Variants in RBM19 observed in about 807,000 individuals in gnomAD.
The protein encoded by RBM19 is RNA binding motif protein 19, also known as probable RNA-binding protein 19.
Under a neutral mutation model 116.8 loss-of-function variants are expected in RBM19, and 94 were observed. That is an observed-to-expected ratio of 0.80 (90% CI 0.68 to 0.95). RBM19 has a LOEUF of 0.95. Ranked by LOEUF, RBM19 falls within the 40% of genes least tolerant of loss-of-function variation. The pLI is 0.00. For synonymous variants in RBM19, 475 were observed against 494.1 expected, an observed-to-expected ratio of 0.96 and a Z score of 0.51; for missense variants, 1,161 against 1,220.7, an observed-to-expected ratio of 0.95 and a Z score of 0.73.
intron 23 of RBM19, among the ~76,000 whole-genome samples, chr12:113,843,872 T>C (rs2135716269): frequency 6.6e-6 from 1 of 152,360 alleles, no homozygotes; most frequent in Non-Finnish European, 1.5e-5. Flanking sequence ...CCAGCCATGC[T>C]GTCCTCCCTG....
chr12:113,918,171 T>C (rs2135859347), intron 20 of RBM19, among the ~76,000 whole-genome samples: 1 of 152,060 alleles, frequency 6.6e-6, no homozygotes, highest in Middle Eastern at 3.4e-3. Context: ...GCATTAAACA[T>C]TCACCCAAAG....
chr12:113,823,945 A>G (rs1210120844), intron 23 of RBM19, among the ~76,000 whole-genome samples: 2 of 152,260 alleles, frequency 1.3e-5, no homozygotes, highest in African/African-American at 2.4e-5. Flanking sequence ...GCAAAGCTCA[A>G]GGATTCCAGA....
At chr12:113,915,334 G>C (rs1029117934) in intron 20 of RBM19, among the ~76,000 whole-genome samples, 1 of 152,042 alleles carries the variant, frequency 6.6e-6, no homozygotes, top group African/African-American at 2.4e-5. Context: ...GAGACTCCGG[G>C]GCCACCAGGG....
chr12:113,884,396 A>G (rs140965123), intron 21 of RBM19, among the ~76,000 whole-genome samples: 1 of 151,286 alleles, frequency 6.6e-6, no homozygotes. Flanking sequence ...CCCCACCTCT[A>G]TTCCTGCAGG....
At chr12:113,864,812 C>T (rs1299006412) in intron 21 of RBM19, among the ~76,000 whole-genome samples, 1 of 152,214 alleles carries the variant, frequency 6.6e-6, no homozygotes, top group Non-Finnish European at 1.5e-5. Context: ...AACTCTCTAA[C>T]AGAGGCTAAT....
intron 23 of RBM19, among the ~76,000 whole-genome samples, chr12:113,823,939 A>G (rs745841387): frequency 3.3e-5 from 5 of 152,216 alleles, no homozygotes; most frequent in Admixed American, 1.3e-4. Flanking sequence ...ACAGATGCAA[A>G]GCTCAAGGAT....
chr12:113,879,023 C>T lies in RBM19; in HGVS notation c.2559-20127G>A, dbSNP rs377485574. Among the ~76,000 whole-genome samples the T allele has an allele frequency of 3.3e-5, 5 of 152,170 alleles. No individual in the cohort carries two copies. The East Asian group carries it at 5.8e-4, about 18-fold the overall frequency. Reference sequence around the variant, plus strand: ...ACTAGACCGTGTGTCCCATCCCCGCCGTCTTGCAGTGTGGCTGCAGCTGTG... The same window carrying T: ...ACTAGACCGTGTGTCCCATCCCCGCTGTCTTGCAGTGTGGCTGCAGCTGTG... On this transcript the variant is annotated intron_variant, in intron 21 of 23. Transcript: ENST00000261741.
At chr12:113,918,270 A>C in intron 20 of RBM19, 122 bp downstream of exon 20, 1 of 972,972 alleles carries the variant, frequency 1.0e-6, no homozygotes, top group Non-Finnish European at 1.6e-6. Flanking sequence ...GAAGAGTCCT[A>C]AATGGTAAAG....
intron 23 of RBM19, among the ~76,000 whole-genome samples, chr12:113,828,606 T>G (rs1389812436): frequency 6.6e-6 from 1 of 152,144 alleles, no homozygotes; most frequent in African/African-American, 2.4e-5. Flanking sequence ...CTCAGTGGTG[T>G]GCAGTCCTAG....
In RBM19 at chr12:113,883,846, TA is replaced by T. The variant is rs758738209; in HGVS notation, c.2559-24951del. ...CTGAGAAGACAGCTATAAACATGAA[TA>T]GGGGGAAGTAGAGAATGAACCCTGT... On this transcript the variant is annotated intron_variant, in intron 21 of 23. Transcript: ENST00000261741. Among the ~76,000 whole-genome samples, 8 of 152,234 alleles carry T rather than the reference TA, an allele frequency of 5.3e-5. No homozygotes were observed. The East Asian group carries it at 7.7e-4, about 15-fold the overall frequency.
chr12:113,944,071 C>T (rs548962827), intron 13 of RBM19, among the ~76,000 whole-genome samples: 182 of 146,238 alleles, frequency 1.2e-3, no homozygotes, highest in African/African-American at 4.4e-3. Flanking sequence ...AAGAACTCAG[C>T]TGCCTCTAAC....
At chr12:113,939,583 A>C (rs529840764) in intron 15 of RBM19, among the ~76,000 whole-genome samples, 32 of 151,390 alleles carry the variant, frequency 2.1e-4, no homozygotes, top group Non-Finnish European at 4.0e-4. Flanking sequence ...CCCCGTCTCT[A>C]CCAAAAATAT....
In RBM19 at chr12:113,940,042, G is replaced by C. The variant is rs1161994220; in HGVS notation, c.1856C>G (p.Pro619Arg). ...HFGSLGRVLL[P>R]EGGITAIVEF... ...CACGATGGCAGTGATTCCGCCCTCTGGCAGCAGCACGCGGCCCAGGCTGCC... is the reference window on the plus strand; with the variant it reads ...CACGATGGCAGTGATTCCGCCCTCTCGCAGCAGCACGCGGCCCAGGCTGCC... Residue 619 changes from proline (P) to arginine (R), a missense_variant, in exon 15 of 24, where the codon CCA (proline) becomes CGA (arginine). Pro to Arg is a moderately radical substitution (Grantham distance 103, BLOSUM62 -2). Transcript: ENST00000261741. 1.2e-6 allele frequency: 2 copies of C among 1,613,994 alleles called. No individual in the cohort carries two copies. The highest frequency in any genetic ancestry group is 2.7e-5 in the African/African-American group (2 of 74,934).
rs1223633080 is a variant in RBM19 at position 113,927,369 on chromosome 12, G to A, written c.2069-140C>T. 5.0e-6 allele frequency: 5 copies of A among 1,006,014 alleles called. No individual in the cohort carries two copies. The African/African-American group carries it at 8.2e-5, about 16-fold the overall frequency. The allele number at this position is 1,006,014 out of a possible 1,614,324, so 62.3% of individuals were successfully genotyped here. On this transcript the variant is annotated intron_variant, in intron 16 of 23. Transcript: ENST00000261741. ...GCCTCTGCGGGCAGTGGCAGGAAGG[G>A]GCACCGTGATCCCCAACTTGTGCTG... is the stretch of plus-strand genomic sequence containing the variant.
chr12:113,867,126 G>C (rs1211190969), intron 21 of RBM19, among the ~76,000 whole-genome samples: 1 of 152,228 alleles, frequency 6.6e-6, no homozygotes, highest in East Asian at 1.9e-4. Context: ...AGCCCTCTCA[G>C]TTGTGTTCAC....
intron 22 of RBM19, among the ~76,000 whole-genome samples, chr12:113,849,183 A>G (rs1363107951): frequency 6.6e-6 from 1 of 152,216 alleles, no homozygotes; most frequent in Non-Finnish European, 1.5e-5. Context: ...CCGTTTCCAG[A>G]ACCTGCTCCC....
chr12:113,844,265 G>T (rs1311626858), intron 23 of RBM19, among the ~76,000 whole-genome samples: 1 of 152,144 alleles, frequency 6.6e-6, no homozygotes, highest in African/African-American at 2.4e-5. Context: ...CAGGAAGGCC[G>T]TGAGCATCCC....
chr12:113,854,913 T>C (rs139735205), intron 22 of RBM19, among the ~76,000 whole-genome samples: 8 of 152,324 alleles, frequency 5.3e-5, no homozygotes, highest in African/African-American at 1.2e-4. Context: ...GTGGTGAATG[T>C]CACATACAAA....
chr12:113,928,374 C>T (rs1355715725), intron 16 of RBM19, among the ~76,000 whole-genome samples: 2 of 148,266 alleles, frequency 1.3e-5, no homozygotes, highest in Non-Finnish European at 3.0e-5. Context: ...ACAACAACAA[C>T]AAAACCATGA....
Sources: allele counts gnomAD v4.1 joint callset (sites outside exome capture counted in the v4.1 genomes callset), GRCh38; gene constraint gnomAD v4.1.1; transcripts MANE v1.5; gene names NCBI Gene and HGNC (gene_info 2026-07-23, HGNC 2026-07-21).